The following SGMS1 variants were observed in gnomAD, a reference collection of about 807,000 sequenced individuals.
SGMS1 encodes phosphatidylcholine:ceramide cholinephosphotransferase 1.
Under a neutral mutation model 46.2 loss-of-function variants are expected in SGMS1, and 13 were observed. The ratio of observed to expected loss-of-function variants is 0.28; its 90% CI spans 0.18 to 0.45. The LOEUF (loss-of-function observed/expected upper bound fraction) is 0.45, where lower values mean the gene tolerates loss of function less well. SGMS1 is among the 20% of genes least tolerant of loss of function. The probability of loss-of-function intolerance (pLI) is 1.00; values close to 1 mark genes in which losing one functional copy is unlikely to be tolerated. For synonymous variants in SGMS1, 203 were observed against 187.8 expected, an observed-to-expected ratio of 1.08 and a Z score of -0.66; for missense variants, 324 against 519.9, an observed-to-expected ratio of 0.62 and a Z score of 3.66.
intron 3 of SGMS1, among the ~76,000 whole-genome samples, chr10:50,507,295 A>G (rs1837715407): frequency 6.6e-6 from 1 of 152,220 alleles, no homozygotes; most frequent in African/African-American, 2.4e-5. Context: ...GCAAAACAGA[A>G]GGACTTTATC....
intron 3 of SGMS1, among the ~76,000 whole-genome samples, chr10:50,475,157 G>T (rs1837409279): frequency 6.6e-6 from 1 of 152,080 alleles, no homozygotes; most frequent in Admixed American, 6.6e-5. Flanking sequence ...AATAATTCTT[G>T]TCCATAGCAA....
At chr10:50,391,697 A>G (rs1046709511) in intron 6 of SGMS1, among the ~76,000 whole-genome samples, 30 of 152,154 alleles carry the variant, frequency 2.0e-4, no homozygotes, top group African/African-American at 5.8e-4. Flanking sequence ...AAATTGTTCT[A>G]TCATAAAGAA....
intron 6 of SGMS1, among the ~76,000 whole-genome samples, chr10:50,416,173 C>T (rs1308083951): frequency 6.6e-6 from 1 of 152,156 alleles, no homozygotes; most frequent in Non-Finnish European, 1.5e-5. Context: ...AACCAAGAAC[C>T]TCCTCTGGAT....
At chr10:50,352,977 A>G (rs2133385062) in intron 6 of SGMS1, among the ~76,000 whole-genome samples, 1 of 152,340 alleles carries the variant, frequency 6.6e-6, no homozygotes, top group African/African-American at 2.4e-5. Context: ...GTCCAGGACC[A>G]GATGGATTCA....
chr10:50,374,154 AT>A (rs1848487991), intron 6 of SGMS1, among the ~76,000 whole-genome samples: 1 of 152,214 alleles, frequency 6.6e-6, no homozygotes, highest in South Asian at 2.1e-4. Context: ...CAAAAGCCAA[AT>A]CACTGAATCA....
chr10:50,590,852 A>T (rs1349509376), intron 1 of SGMS1: 1 of 152,202 alleles, frequency 6.6e-6, no homozygotes, highest in African/African-American at 2.4e-5. Flanking sequence ...GTTCCTGTCG[A>T]ATCACAGCAA....
chr10:50,528,831 C>T (rs1285265072), intron 2 of SGMS1, among the ~76,000 whole-genome samples: 1 of 141,578 alleles, frequency 7.1e-6, no homozygotes, highest in East Asian at 2.0e-4. Context: ...GAGCAAGACC[C>T]TTCTTCCAAA....
intron 6 of SGMS1, among the ~76,000 whole-genome samples, chr10:50,346,247 C>T (rs1310197551): frequency 1.3e-5 from 2 of 152,178 alleles, no homozygotes; most frequent in African/African-American, 4.8e-5. Context: ...CATAACCTAG[C>T]TCTAAAAGCA....
intron 6 of SGMS1, among the ~76,000 whole-genome samples, chr10:50,346,354 T>C (rs1200815738): frequency 6.6e-6 from 1 of 152,128 alleles, no homozygotes; most frequent in Non-Finnish European, 1.5e-5. Flanking sequence ...TACATCTCAC[T>C]ATAAAAAAAA....
At chr10:50,414,665 A>G (rs1028833003) in intron 6 of SGMS1, among the ~76,000 whole-genome samples, 2 of 152,194 alleles carry the variant, frequency 1.3e-5, no homozygotes, top group African/African-American at 4.8e-5. Context: ...TAGAGGCATA[A>G]AGAACTCAAA....
At chr10:50,498,114 G>A (rs1259429074) in intron 3 of SGMS1, among the ~76,000 whole-genome samples, 1 of 152,162 alleles carries the variant, frequency 6.6e-6, no homozygotes, top group African/African-American at 2.4e-5. Flanking sequence ...CAAGTTGGGA[G>A]TTAGGGAAAT....
At chr10:50,550,248 T>G (rs984827258) in intron 2 of SGMS1, among the ~76,000 whole-genome samples, 2 of 152,218 alleles carry the variant, frequency 1.3e-5, no homozygotes, top group African/African-American at 4.8e-5. Context: ...CTAACTTTCT[T>G]TTCCCTAAGA....
rs1589395419 is a variant in SGMS1 at position 50,344,093 on chromosome 10, A to G, written c.22T>C (p.Ser8Pro). 3.7e-6 allele frequency: 6 copies of G among 1,610,054 alleles called. No individual in the cohort carries two copies. In the African/African-American group the frequency reaches 4.0e-5, roughly 11 times the overall value. The change falls in exon 7 of 11, where the codon TCA (serine) becomes CCA (proline). Residue 8 changes from serine to proline, a missense_variant. By Grantham distance (74) the Ser-to-Pro change is moderately conservative (BLOSUM62 -1). Around this residue, in one of 2 missense-constraint regions of SGMS1, gnomAD observed 150 missense variants for 169.8 expected, o/e 0.88. Transcript: ENST00000361781. MKEVVYW[S>P]PKKVADWLLE... is the part of the protein sequence containing the mutation. Reference sequence around the variant, plus strand: ...AGCCAGTCTGCCACCTTCTTGGGTGACCAATAAACCACTTCCTTCATTGTA... The same window carrying G: ...AGCCAGTCTGCCACCTTCTTGGGTGGCCAATAAACCACTTCCTTCATTGTA...
chr10:50,311,454 T>C (rs1255461643), intron 8 of SGMS1, 39 bp from the exon 9 acceptor site: 1 of 1,597,238 alleles, frequency 6.3e-7, no homozygotes, highest in South Asian at 1.1e-5. Flanking sequence ...GAAGATTCAT[T>C]ACGAGCCCAC....
At chr10:50,369,348 AT>A (rs1440411110) in intron 6 of SGMS1, among the ~76,000 whole-genome samples, 1 of 152,122 alleles carries the variant, frequency 6.6e-6, no homozygotes, top group Non-Finnish European at 1.5e-5. Context: ...AAATTTAAAA[AT>A]TGGCCCAGTG....
chr10:50,435,103 C>T lies in SGMS1; in HGVS notation c.-312-1547G>A, dbSNP rs180765993. ...CTGGCCACTGACATGAGGCTCTTTACATGAATGAGAAACACAGTAAGGTTT... is the reference window on the plus strand; with the variant it reads ...CTGGCCACTGACATGAGGCTCTTTATATGAATGAGAAACACAGTAAGGTTT... On this transcript the variant is annotated intron_variant, in intron 5 of 10. Coordinates refer to ENST00000361781, the MANE Select transcript of SGMS1 (RefSeq NM_147156.4). 2.7e-3 allele frequency among the ~76,000 whole-genome samples: 404 copies of T among 152,246 alleles called. 2 individuals are homozygous for T. Among genetic ancestry groups the T allele is most frequent in the African/African-American group, 8.8e-3 (366 of 41,528 alleles).
chr10:50,585,524 A>G (rs1838475526), intron 2 of SGMS1, among the ~76,000 whole-genome samples: 2 of 152,252 alleles, frequency 1.3e-5, no homozygotes, highest in Admixed American at 6.5e-5. Context: ...TTCCACTTCC[A>G]TATTATACTT....
chr10:50,337,151 T>G (rs1440340531), intron 7 of SGMS1, among the ~76,000 whole-genome samples: 3 of 152,156 alleles, frequency 2.0e-5, no homozygotes, highest in Non-Finnish European at 4.4e-5. Flanking sequence ...CCTCATGAGT[T>G]TCATACATGG....
chr10:50,346,961 G>A (rs553041793), intron 6 of SGMS1, among the ~76,000 whole-genome samples: 1 of 152,252 alleles, frequency 6.6e-6, no homozygotes, highest in East Asian at 1.9e-4. Context: ...ATCTTACTCT[G>A]GGAGTCCCAA....
Sources: allele counts gnomAD v4.1 joint callset (sites outside exome capture counted in the v4.1 genomes callset), GRCh38; gene constraint gnomAD v4.1.1; regional missense constraint gnomAD v4.1.1; transcripts MANE v1.5; gene names NCBI Gene and HGNC (gene_info 2026-07-23, HGNC 2026-07-21).